Variants in SLC34A3 observed in about 807,000 individuals in gnomAD.
The protein encoded by SLC34A3 is sodium-dependent phosphate transport protein 2C.
Under a neutral mutation model 43.9 loss-of-function variants are expected in SLC34A3, and 60 were observed. That is an observed-to-expected ratio of 1.37 (90% CI 1.11 to 1.70). The LOEUF (loss-of-function observed/expected upper bound fraction) is 1.70. SLC34A3 is among the 40% of genes most tolerant of loss of function. SLC34A3 has a pLI of 0.00. For missense variants in SLC34A3, 969 were observed against 823.8 expected, an observed-to-expected ratio of 1.18 and a Z score of -2.16; for synonymous variants, 451 against 386.2, an observed-to-expected ratio of 1.17 and a Z score of -1.97.
chr9:137,233,779 T>TTGGGCCCCCCCCCCCCCCC, intron 8 of SLC34A3, 57 bp downstream of exon 8: 3 of 1,445,752 alleles, frequency 2.1e-6, no homozygotes, highest in Non-Finnish European at 2.9e-6. Context: ...TGCTGAGTCA[T>TTGGGCCCCCCCCCCCCCCC]CCCGCCCCAC....
At chr9:137,230,139 C>T (rs1187699827), upstream of SLC34A3, among the ~76,000 whole-genome samples, 2 of 152,096 alleles carry the variant, frequency 1.3e-5, no homozygotes, top group Non-Finnish European at 2.9e-5. Flanking sequence ...GCCCCGCACC[C>T]CAGGGCAGGA....
Position 137,234,302 on chromosome 9 carries a change from G to A in SLC34A3, c.1093+26G>A. ...GTGAGGGCGTGGGAGGAGGTGCGGT[G>A]GCCAGGGCTGACCCAGCATCCCCCA... On this transcript the variant is annotated intron_variant, in intron 10 of 12. Coordinates refer to ENST00000673835, the MANE Select transcript of SLC34A3 (RefSeq NM_001177316.2). The surrounding 1 kb of genome is among the most constrained non-coding windows in gnomAD (Gnocchi z 6.9). The A allele has an allele frequency of 6.2e-7, 1 of 1,607,822 alleles. No individual in the cohort carries two copies. Among genetic ancestry groups the A allele is most frequent in the South Asian group, 1.1e-5 (1 of 90,862 alleles).
rs1181218136 is a variant in SLC34A3, at chr9:137,232,522, G to A, written c.176-53G>A. Reference sequence around the variant, plus strand: ...GGCAGAGAATGAGGGGCCTGGGAGGGAGACCTGTCAGGGTGGAGGGCCAGC... The same window carrying A: ...GGCAGAGAATGAGGGGCCTGGGAGGAAGACCTGTCAGGGTGGAGGGCCAGC... On this transcript the variant is annotated intron_variant, in intron 3 of 12. Coordinates refer to ENST00000673835, the MANE Select transcript of SLC34A3 (RefSeq NM_001177316.2). The A allele has an allele frequency of 1.3e-5, 21 of 1,606,504 alleles. No individual in the cohort carries two copies. The East Asian group carries it at 3.8e-4, about 29-fold the overall frequency.
At position 137,236,454 on chromosome 9, in the gene SLC34A3, C is replaced by G; in HGVS notation, c.*38C>G. 6.6e-7 allele frequency: 1 copy of G among 1,518,090 alleles called. No homozygotes were observed. The allele number at this position is 1,518,090 out of a possible 1,614,324, so 94.0% of individuals were successfully genotyped here. On this transcript the variant is annotated 3_prime_UTR_variant, in exon 13 of 13. Transcript: ENST00000673835. ...GAGCAGACCGCCCCACCCTCCCCGG[C>G]TGGGAGGGCTCTGGAGGGCCCTGGA...
chr9:137,234,175 C>T lies in SLC34A3; in HGVS notation c.992C>T (p.Ser331Phe), dbSNP rs759931245. 1.9e-6 allele frequency: 3 copies of T among 1,605,290 alleles called. No homozygotes were observed. In the South Asian group the frequency reaches 3.3e-5, roughly 18 times the overall value. Reference sequence around the variant, plus strand: ...GTGGGCTGCATCCTGCTGGCCGGCTCCCTGCTGGTGCTCTGCGGCTGCCTG... The same window carrying T: ...GTGGGCTGCATCCTGCTGGCCGGCTTCCTGCTGGTGCTCTGCGGCTGCCTG... ...LAVGCILLAG[S>F]LLVLCGCLVL... is the part of the protein sequence containing the mutation. Residue 331 changes from serine to phenylalanine, a missense_variant, in exon 10 of 13, where the codon TCC (serine) becomes TTC (phenylalanine). Coordinates refer to ENST00000673835, the MANE Select transcript of SLC34A3 (RefSeq NM_001177316.2). This position sits in a 1 kb window ranked among gnomAD's most constrained non-coding sequence, Gnocchi z 6.9.
upstream of SLC34A3, among the ~76,000 whole-genome samples, chr9:137,229,808 G>C (rs189246618): frequency 1.3e-5 from 2 of 152,152 alleles, no homozygotes; most frequent in Non-Finnish European, 1.5e-5. Flanking sequence ...TCCTGGCTCC[G>C]AGCAGCCACC....
chr9:137,232,609 C>G lies in SLC34A3; in HGVS notation c.210C>G (p.Ala70=), dbSNP rs755237394. 2 of 1,611,984 alleles carry G rather than the reference C, an allele frequency of 1.2e-6. No homozygotes were observed. The highest frequency in any genetic ancestry group is 2.7e-5 in the African/African-American group (2 of 74,918). ...LRVAGRLRRV[A]GSVLKACGLL... is the part of the protein sequence containing the mutation. ...TGGCCGGCAGGCTGCGCCGCGTGGC[C>G]GGCAGCGTCCTCAAGGCCTGCGGGC... The change falls in exon 4 of 13, where the codon GCC becomes GCG. Residue 70 remains alanine, a synonymous_variant. Coordinates refer to ENST00000673835, the MANE Select transcript of SLC34A3 (RefSeq NM_001177316.2).
In SLC34A3 at chr9:137,236,259, C is replaced by T; in HGVS notation, c.1643C>T (p.Ser548Phe). Residue 548 changes from serine (S) to phenylalanine (F), a missense_variant, in exon 13 of 13, where the codon TCC (serine) becomes TTC (phenylalanine). Ser to Phe is a radical substitution (Grantham distance 155). Transcript: ENST00000673835. The part of the protein sequence containing the change: ...RPAWLPVRLR[S>F]WAWLPVWLHS... ...GCCTGGCTGCCTGTCCGCCTGCGCT[C>T]CTGGGCCTGGCTCCCCGTCTGGCTC... The T allele has an allele frequency of 6.5e-7, 1 of 1,544,898 alleles. No individual in the cohort carries two copies. Among genetic ancestry groups the T allele is most frequent in the Non-Finnish European group, 8.7e-7 (1 of 1,147,966 alleles).
At chr9:137,232,035 G>A in intron 2 of SLC34A3, 37 bp from the exon 3 acceptor site, 2 of 1,594,722 alleles carry the variant, frequency 1.3e-6, no homozygotes, top group Non-Finnish European at 1.7e-6. Context: ...GAGGGAGGTG[G>A]TCCTGGAAAC....
chr9:137,232,314 G>A (rs1015891929), intron 3 of SLC34A3, among the ~76,000 whole-genome samples, 153 bp downstream of exon 3: 3 of 152,242 alleles, frequency 2.0e-5, no homozygotes, highest in Admixed American at 2.0e-4. Context: ...TCCCTCAACC[G>A]GGTGTCTGTG....
At chr9:137,231,217 GACCCCACC>G in intron 1 of SLC34A3, 2 of 193,144 alleles carry the variant, frequency 1.0e-5, no homozygotes, top group Non-Finnish European at 1.1e-5. Flanking sequence ...GTGGTGTGAG[GACCCCACC>G]TGCTCCCCAT....
At chr9:137,233,461 G>A (rs1047542370) in intron 7 of SLC34A3, 57 bp downstream of exon 7, 1 of 1,588,918 alleles carries the variant, frequency 6.3e-7, no homozygotes, top group African/African-American at 1.3e-5. Context: ...TGGGAGGAGG[G>A]GAGGCCCGCC....
chr9:137,231,299 A>G (rs773398900), intron 1 of SLC34A3, among the ~76,000 whole-genome samples: 1 of 152,172 alleles, frequency 6.6e-6, no homozygotes. Context: ...GCCAAAGTCT[A>G]AGTCGGGACC....
chr9:137,235,195 G>A (rs1220061820), intron 12 of SLC34A3, among the ~76,000 whole-genome samples: 1 of 152,022 alleles, frequency 6.6e-6, no homozygotes, highest in Non-Finnish European at 1.5e-5. Context: ...CCAGGGCTGT[G>A]ATTCTGCCTC....
At position 137,232,693 on chromosome 9, in the gene SLC34A3, G is replaced by C. The variant is rs1231653029; in HGVS notation, c.294G>C (p.Gln98His). 1.9e-6 allele frequency: 3 copies of C among 1,612,946 alleles called. No individual in the cohort carries two copies. Among genetic ancestry groups the C allele is most frequent in the Non-Finnish European group, 2.5e-6 (3 of 1,179,956 alleles). ...TGGACGTCCTCAGCTCCGCCTTCCA[G>C]CTGCTGGGCAGTGAGTGACGGGACG... ...CSLDVLSSAFQLLGSKVAGDI... is the reference protein window; with the variant it reads ...CSLDVLSSAFHLLGSKVAGDI... Residue 98 changes from glutamine (Q) to histidine (H), a missense_variant, in exon 4 of 13, where the codon CAG becomes CAC. By Grantham distance (24) the Gln-to-His change is conservative. Transcript: ENST00000673835.
At chr9:137,231,515 G>A (rs925463468) in intron 1 of SLC34A3, 149 bp from the exon 2 acceptor site, 11 of 638,886 alleles carry the variant, frequency 1.7e-5, no homozygotes, top group Non-Finnish European at 2.0e-5. Flanking sequence ...GATGGAGAAA[G>A]GGGGATGGTC....
chr9:137,235,227 A>AGCCCCCAGCTCTGT (rs1165055467), intron 12 of SLC34A3, among the ~76,000 whole-genome samples: 1 of 151,722 alleles, frequency 6.6e-6, no homozygotes, highest in African/African-American at 2.4e-5. Flanking sequence ...CCCCAGTCTG[A>AGCCCCCAGCTCTGT]GCCCCCAGCT....
chr9:137,230,773 G>C (rs1836169546), upstream of SLC34A3: 1 of 152,272 alleles, frequency 6.6e-6, no homozygotes, highest in Non-Finnish European at 1.5e-5. Flanking sequence ...ACAAGGCCTA[G>C]GGGCCTTGGG....
At position 137,234,701 on chromosome 9, in the gene SLC34A3, C is replaced by G. The variant is rs2131418480; in HGVS notation, c.1305C>G (p.Ser435Arg). 1.2e-6 allele frequency: 2 copies of G among 1,611,592 alleles called. No individual in the cohort carries two copies. The highest frequency in any genetic ancestry group is 4.5e-5 in the East Asian group (2 of 44,868). The change falls in exon 12 of 13, where the codon AGC becomes AGG. Residue 435 changes from serine to arginine, a missense_variant. Ser to Arg is a moderately radical substitution (Grantham distance 110). Transcript: ENST00000673835. The surrounding 1 kb of genome is among the most constrained non-coding windows in gnomAD (Gnocchi z 6.9). Reference sequence around the variant, plus strand: ...CAGCCCTGCTGGCTGCCCTGGCCAGCCCCGCAGACAGGATGCTCAGCGCCC... The same window carrying G: ...CAGCCCTGCTGGCTGCCCTGGCCAGGCCCGCAGACAGGATGCTCAGCGCCC... ...TTTALLAALA[S>R]PADRMLSALQ...
Sources: gnomAD v4.1 joint callset for allele counts (sites outside exome capture counted in the v4.1 genomes callset) on GRCh38, gnomAD v4.1.1 for gene constraint, Gnocchi (gnomAD v3.1) non-coding constraint, MANE v1.5 for transcripts, NCBI Gene and HGNC (gene_info 2026-07-23, HGNC 2026-07-21) for gene names.